The following CACNG3 variants were observed in gnomAD, a reference collection of about 807,000 sequenced individuals.
CACNG3 encodes voltage-dependent calcium channel gamma-3 subunit.
Under a neutral mutation model 28.5 loss-of-function variants are expected in CACNG3, and 3 were observed. The ratio of observed to expected loss-of-function variants is 0.11; its 90% CI spans 0.05 to 0.27. The LOEUF is 0.27. Ranked by LOEUF, CACNG3 falls within the 10% of genes least tolerant of loss-of-function variation. CACNG3 has a pLI of 1.00. For missense variants in CACNG3, 236 were observed against 414.4 expected (o/e 0.57, Z 3.74); for synonymous variants, 174 against 162.2 (o/e 1.07, Z -0.55).
intron 3 of CACNG3, among the ~76,000 whole-genome samples, chr16:24,360,792 GTC>G (rs1900094378): frequency 6.6e-6 from 1 of 152,170 alleles, no homozygotes; most frequent in Non-Finnish European, 1.5e-5. Context: ...ATCGTCAACA[GTC>G]TTTCATCTCC....
chr16:24,344,663 T>G (rs1227034449), intron 1 of CACNG3, among the ~76,000 whole-genome samples: 2 of 152,346 alleles, frequency 1.3e-5, no homozygotes, highest in East Asian at 3.9e-4. Flanking sequence ...CTGAACCTCC[T>G]TCCTGGTTCT....
At chr16:24,274,804 C>G (rs990020767) in intron 1 of CACNG3, among the ~76,000 whole-genome samples, 1 of 152,162 alleles carries the variant, frequency 6.6e-6, no homozygotes, top group African/African-American at 2.4e-5. Context: ...TCACTTTGTC[C>G]TCCCAAGAGC....
At chr16:24,300,731 C>T (rs928033047) in intron 1 of CACNG3, among the ~76,000 whole-genome samples, 1 of 151,598 alleles carries the variant, frequency 6.6e-6, no homozygotes, top group African/African-American at 2.4e-5. Context: ...GCCTGGCCAA[C>T]ATGGCAAAAC....
At chr16:24,352,660 C>G (rs1423882439) in intron 2 of CACNG3, among the ~76,000 whole-genome samples, 4 of 152,088 alleles carry the variant, frequency 2.6e-5, no homozygotes, top group Non-Finnish European at 5.9e-5. Context: ...TACCTCAGCA[C>G]CCCCAAGCAG....
rs773069719 is a variant in CACNG3, at chr16:24,346,836, C to A, written c.295+19C>A. ...CTCCTGCGTAAGTTCCCCGGCTTCTCGGGTCTCTCTGGGAGGAAGGGATGG... is the reference window on the plus strand; with the variant it reads ...CTCCTGCGTAAGTTCCCCGGCTTCTAGGGTCTCTCTGGGAGGAAGGGATGG... On this transcript the variant is annotated intron_variant, in intron 2 of 3. Transcript: ENST00000005284. 1 of 1,604,524 alleles carries A rather than the reference C, an allele frequency of 6.2e-7. No individual in the cohort carries two copies. Among genetic ancestry groups the A allele is most frequent in the Non-Finnish European group, 8.5e-7 (1 of 1,171,272 alleles).
chr16:24,359,376 G>T (rs1900076909), intron 3 of CACNG3, among the ~76,000 whole-genome samples: 1 of 152,104 alleles, frequency 6.6e-6, no homozygotes, highest in Admixed American at 6.6e-5. Context: ...TCACCCTGTG[G>T]TTTCTTGCAG....
chr16:24,361,649 G>A lies in CACNG3; in HGVS notation c.734G>A (p.Arg245Gln), dbSNP rs746004181. Residue 245 changes from arginine (R) to glutamine (Q), a missense_variant, in exon 4 of 4, where the codon CGA (arginine) becomes CAA (glutamine). By Grantham distance (43) the Arg-to-Gln change is conservative (BLOSUM62 1). This residue lies in a region of CACNG3 where 116 missense variants were observed against 151.0 expected (regional missense o/e 0.77). Transcript: ENST00000005284. The surrounding 1 kb of genome is among the most constrained non-coding windows in gnomAD (Gnocchi z 6.8). Reference sequence around the variant, plus strand: ...TCTCGCTCCACCGAGCCCAGATCCCGAGACCTGTCCCCCATCAGCAAAGGC... The same window carrying A: ...TCTCGCTCCACCGAGCCCAGATCCCAAGACCTGTCCCCCATCAGCAAAGGC... Reference protein sequence around the residue: ...SSSRSTEPRSRDLSPISKGFH... With the variant: ...SSSRSTEPRSQDLSPISKGFH... 12 of 1,613,596 alleles carry A rather than the reference G, an allele frequency of 7.4e-6. No individual in the cohort carries two copies. The highest frequency in any genetic ancestry group is 1.7e-5 in the Admixed American group (1 of 59,964).
At chr16:24,291,526 T>C (rs1397794538) in intron 1 of CACNG3, among the ~76,000 whole-genome samples, 1 of 152,146 alleles carries the variant, frequency 6.6e-6, no homozygotes, top group Non-Finnish European at 1.5e-5. Flanking sequence ...TGGGGGCATA[T>C]AAGGACCTGG....
intron 1 of CACNG3, among the ~76,000 whole-genome samples, chr16:24,288,055 G>A (rs1191175534): frequency 6.6e-6 from 1 of 152,202 alleles, no homozygotes; most frequent in Non-Finnish European, 1.5e-5. Flanking sequence ...GTGTTAGGCA[G>A]TATTCTGGAA....
At chr16:24,266,724 A>C (rs1468457127) in intron 1 of CACNG3, among the ~76,000 whole-genome samples, 1 of 152,126 alleles carries the variant, frequency 6.6e-6, no homozygotes, top group Non-Finnish European at 1.5e-5. Flanking sequence ...CTACTACTAG[A>C]AGCCCTCCAG....
intron 1 of CACNG3, among the ~76,000 whole-genome samples, chr16:24,321,197 G>A (rs556281469): frequency 2.5e-4 from 38 of 152,274 alleles, no homozygotes; most frequent in African/African-American, 9.1e-4. Context: ...CAGGCACAGT[G>A]GCTCACGCCT....
At chr16:24,299,780 A>G (rs1308949160) in intron 1 of CACNG3, among the ~76,000 whole-genome samples, 2 of 152,130 alleles carry the variant, frequency 1.3e-5, no homozygotes, top group East Asian at 1.9e-4. Context: ...CTCCTTGAAG[A>G]TAGCCATATT....
chr16:24,312,535 G>T lies in CACNG3; in HGVS notation c.212-34199G>T, dbSNP rs78079794. 6.6e-3 allele frequency among the ~76,000 whole-genome samples: 1,001 copies of T among 152,202 alleles called. 10 individuals are homozygous for T. The highest frequency in any genetic ancestry group is 0.023 in the African/African-American group (953 of 41,524). On this transcript the variant is annotated intron_variant, in intron 1 of 3. Coordinates refer to ENST00000005284, the MANE Select transcript of CACNG3 (RefSeq NM_006539.4). ...AGGACTAAATGAAAGTATGCTTCTG[G>T]CCAGGCACGGTGGCTCACACCTATA... is the stretch of plus-strand genomic sequence containing the variant.
intron 1 of CACNG3, among the ~76,000 whole-genome samples, chr16:24,265,793 A>C (rs1898602251): frequency 6.6e-6 from 1 of 152,208 alleles, no homozygotes; most frequent in Non-Finnish European, 1.5e-5. Context: ...AACTTGTTTT[A>C]TTTCTTGTCA....
intron 1 of CACNG3, among the ~76,000 whole-genome samples, chr16:24,286,433 C>CAT (rs869264438): frequency 0.016 from 964 of 61,226 alleles, 7 homozygotes; most frequent in African/African-American, 0.044. Flanking sequence ...CACACACACA[C>CAT]ATATATATAT....
chr16:24,267,448 C>T (rs1424529233), intron 1 of CACNG3, among the ~76,000 whole-genome samples: 2 of 151,960 alleles, frequency 1.3e-5, no homozygotes, highest in Non-Finnish European at 2.9e-5. Flanking sequence ...CCACCATGCC[C>T]AGCTATTTTT....
chr16:24,275,281 G>A (rs113082179), intron 1 of CACNG3, among the ~76,000 whole-genome samples: 1,785 of 152,210 alleles, frequency 0.012, 18 homozygotes, highest in Non-Finnish European at 0.018. Flanking sequence ...AACTGTTGGA[G>A]CCTGACCACA....
chr16:24,290,713 A>T (rs1235608040), intron 1 of CACNG3, among the ~76,000 whole-genome samples: 1 of 152,208 alleles, frequency 6.6e-6, no homozygotes, highest in Non-Finnish European at 1.5e-5. Flanking sequence ...TGCTGGGATT[A>T]CAGGTGTGAG....
chr16:24,283,648 C>T (rs920668248), intron 1 of CACNG3, among the ~76,000 whole-genome samples: 2 of 152,076 alleles, frequency 1.3e-5, no homozygotes, highest in African/African-American at 2.4e-5. Context: ...ATATTTTTGC[C>T]TCCACTTTTT....
Sources: allele counts gnomAD v4.1 joint callset (sites outside exome capture counted in the v4.1 genomes callset), GRCh38; gene constraint gnomAD v4.1.1; regional missense constraint gnomAD v4.1.1; non-coding constraint Gnocchi (gnomAD v3.1); transcripts MANE v1.5; gene names NCBI Gene and HGNC (gene_info 2026-07-23, HGNC 2026-07-21).